DLG2: variants seen among roughly 807,000 people sequenced by gnomAD.
The protein encoded by DLG2 is disks large homolog 2.
DLG2 carries 45 observed loss-of-function variants against 132.5 expected under a neutral mutation model. That is an observed-to-expected ratio of 0.34 (90% CI 0.27 to 0.44). The LOEUF (loss-of-function observed/expected upper bound fraction) is 0.44. DLG2 is among the 20% of genes least tolerant of loss of function. The pLI, the probability that DLG2 is intolerant of heterozygous loss-of-function variation, is 1.00. For missense variants in DLG2, 1,045 were observed against 1,196.9 expected (o/e 0.87, Z 1.87); for synonymous variants, 424 against 419.6 (o/e 1.01, Z -0.13).
chr11:84,259,470 T>G (rs2097525706), intron 7 of DLG2, among the ~76,000 whole-genome samples: 1 of 152,130 alleles, frequency 6.6e-6, no homozygotes, highest in Non-Finnish European at 1.5e-5. Context: ...GCCCCTGCTC[T>G]ACGGAGACAT....
chr11:85,544,833 G>A (rs1164239381), intron 3 of DLG2, among the ~76,000 whole-genome samples: 2 of 152,066 alleles, frequency 1.3e-5, no homozygotes, highest in Non-Finnish European at 2.9e-5. Flanking sequence ...TTTGCACATT[G>A]ATTTTGTATC....
chr11:85,419,210 G>C (rs2090103304), intron 3 of DLG2, among the ~76,000 whole-genome samples: 1 of 152,124 alleles, frequency 6.6e-6, no homozygotes. Flanking sequence ...ATGAAATTCT[G>C]GGTTGAAAAT....
chr11:84,181,075 G>A (rs1008323222), intron 8 of DLG2, among the ~76,000 whole-genome samples: 2 of 151,236 alleles, frequency 1.3e-5, no homozygotes, highest in African/African-American at 2.4e-5. Flanking sequence ...ATAATAATAG[G>A]AATAATGCAT....
intron 19 of DLG2, among the ~76,000 whole-genome samples, chr11:83,549,119 T>C (rs944074752): frequency 6.6e-6 from 1 of 152,162 alleles, no homozygotes; most frequent in African/African-American, 2.4e-5. Context: ...TTGAGGCCTC[T>C]GCTTGATTAG....
chr11:85,563,953 A>G (rs1430590120), intron 3 of DLG2, among the ~76,000 whole-genome samples: 2 of 152,090 alleles, frequency 1.3e-5, no homozygotes, highest in African/African-American at 2.4e-5. Context: ...TCCTGCCAAC[A>G]TTTCGTATAA....
At chr11:83,560,872 C>T (rs1447939409) in intron 19 of DLG2, among the ~76,000 whole-genome samples, 3 of 152,154 alleles carry the variant, frequency 2.0e-5, no homozygotes, top group Non-Finnish European at 4.4e-5. Context: ...TCCATTCTCA[C>T]ATTGCTATAA....
chr11:85,016,676 C>T (rs780151640), intron 6 of DLG2, among the ~76,000 whole-genome samples: 4 of 152,150 alleles, frequency 2.6e-5, no homozygotes, highest in Non-Finnish European at 4.4e-5. Context: ...ACGCACTGTC[C>T]TTTAATCAAC....
intron 6 of DLG2, among the ~76,000 whole-genome samples, chr11:84,920,969 A>T (rs77271732): frequency 0.058 from 8,772 of 152,238 alleles, 429 homozygotes; most frequent in Non-Finnish European, 0.08. Context: ...CTGTAACAAG[A>T]ATCATGTTAA....
intron 6 of DLG2, among the ~76,000 whole-genome samples, chr11:84,574,811 GACTGGA>G (rs770125267): frequency 6.6e-5 from 10 of 152,144 alleles, no homozygotes; most frequent in Non-Finnish European, 1.2e-4. Flanking sequence ...CTATCTCAGT[GACTGGA>G]ACCACCATCT....
intron 6 of DLG2, among the ~76,000 whole-genome samples, chr11:84,779,698 A>G (rs2071361147): frequency 6.6e-6 from 1 of 152,184 alleles, no homozygotes; most frequent in Non-Finnish European, 1.5e-5. Context: ...AGGAGACATT[A>G]AAATTAATGC....
chr11:83,650,262 T>A (rs2153515244), intron 18 of DLG2, among the ~76,000 whole-genome samples: 1 of 152,316 alleles, frequency 6.6e-6, no homozygotes, highest in East Asian at 1.9e-4. Context: ...GGGGAGATTT[T>A]CCTGGATTAT....
intron 18 of DLG2, among the ~76,000 whole-genome samples, chr11:83,715,530 C>G (rs1019034927): frequency 6.6e-6 from 1 of 152,146 alleles, no homozygotes; most frequent in African/African-American, 2.4e-5. Flanking sequence ...CAAATGATCC[C>G]CACCCTTGTC....
At chr11:84,960,315 GA>G (rs1398133934) in intron 6 of DLG2, among the ~76,000 whole-genome samples, 2 of 152,112 alleles carry the variant, frequency 1.3e-5, no homozygotes, top group Non-Finnish European at 2.9e-5. Flanking sequence ...TGAAATAAAG[GA>G]ATATTTAATG....
chr11:85,456,947 C>T (rs991962941), intron 3 of DLG2, among the ~76,000 whole-genome samples: 1 of 151,860 alleles, frequency 6.6e-6, no homozygotes, highest in African/African-American at 2.4e-5. Context: ...TTTATTAGGC[C>T]CATTTGGTTA....
intron 3 of DLG2, among the ~76,000 whole-genome samples, chr11:85,573,738 AG>A (rs1340308907): frequency 1.3e-5 from 2 of 152,230 alleles, no homozygotes; most frequent in Non-Finnish European, 2.9e-5. Context: ...TTTGCAGTCA[AG>A]AACTCTGACA....
intron 7 of DLG2, among the ~76,000 whole-genome samples, chr11:84,342,779 C>T (rs1405431968): frequency 6.6e-6 from 1 of 152,134 alleles, no homozygotes; most frequent in African/African-American, 2.4e-5. Context: ...AACACCAACA[C>T]CAAACATATT....
intron 4 of DLG2, among the ~76,000 whole-genome samples, chr11:85,259,194 T>TA (rs2076817030): frequency 6.6e-6 from 1 of 152,134 alleles, no homozygotes; most frequent in African/African-American, 2.4e-5. Context: ...ACTGTCCCCC[T>TA]AGTGCTGTCT....
At chr11:84,044,906 C>A (rs2096206286) in intron 11 of DLG2, among the ~76,000 whole-genome samples, 1 of 151,710 alleles carries the variant, frequency 6.6e-6, no homozygotes, top group Non-Finnish European at 1.5e-5. Flanking sequence ...CCTCTCTAAG[C>A]CTTTCTGCTA....
rs370494157 is a variant in DLG2, at chr11:83,902,221, T to C, written c.1497-27733A>G. Among the ~76,000 whole-genome samples, 9 of 152,190 alleles carry C rather than the reference T, an allele frequency of 5.9e-5. No homozygotes were observed. The East Asian group carries it at 1.7e-3, about 29-fold the overall frequency. On this transcript the variant is annotated intron_variant, in intron 15 of 27. Coordinates refer to ENST00000376104, the MANE Select transcript of DLG2 (RefSeq NM_001142699.3). ...TCTTTCATGCCACTAGGCATTTATATATGGCTCCCCTTGTTCTGGAATATC... is the reference window on the plus strand; with the variant it reads ...TCTTTCATGCCACTAGGCATTTATACATGGCTCCCCTTGTTCTGGAATATC...
Sources: allele counts gnomAD v4.1 joint callset (sites outside exome capture counted in the v4.1 genomes callset), GRCh38; gene constraint gnomAD v4.1.1; transcripts MANE v1.5; gene names NCBI Gene and HGNC (gene_info 2026-07-23, HGNC 2026-07-21).